ELMOD3: variants seen among roughly 807,000 people sequenced by gnomAD.
The protein encoded by ELMOD3 is ELMO domain containing 3, also known as ELMO domain-containing protein 3.
In ELMOD3, 36 loss-of-function variants were observed where a neutral mutation model predicts 47.4. That is an observed-to-expected ratio of 0.76 (90% CI 0.58 to 1.00). The LOEUF (loss-of-function observed/expected upper bound fraction) is 1.00, where lower values mean the gene tolerates loss of function less well. Ranked by LOEUF, ELMOD3 falls within the 50% of genes least tolerant of loss-of-function variation. ELMOD3 has a pLI of 0.00. For missense variants in ELMOD3, 404 were observed against 463.8 expected (o/e 0.87, Z 1.18); for synonymous variants, 149 against 183.5 (o/e 0.81, Z 1.52).
intron 10 of ELMOD3, among the ~76,000 whole-genome samples, chr2:85,374,772 G>A (rs971033837): frequency 2.6e-5 from 4 of 152,138 alleles, no homozygotes; most frequent in African/African-American, 7.2e-5. Flanking sequence ...TGATAGCACC[G>A]TTACACGCTA....
intron 4 of ELMOD3, among the ~76,000 whole-genome samples, chr2:85,359,916 C>A (rs1300361167): frequency 6.6e-6 from 1 of 151,990 alleles, no homozygotes; most frequent in Non-Finnish European, 1.5e-5. Flanking sequence ...CATATGTAGA[C>A]CCCATGGCTA....
At chr2:85,387,211 G>C in intron 11 of ELMOD3, 2 of 1,198,284 alleles carry the variant, frequency 1.7e-6, no homozygotes, top group Non-Finnish European at 1.1e-6. Context: ...GGTGTTCTCA[G>C]CTACCCATGT....
chr2:85,379,272 C>T (rs780089398), intron 11 of ELMOD3, among the ~76,000 whole-genome samples: 17 of 152,146 alleles, frequency 1.1e-4, no homozygotes, highest in Non-Finnish European at 1.9e-4. Flanking sequence ...TGCAGTGGCG[C>T]GATAGCACAC....
chr2:85,383,290 G>A (rs1685715847), intron 11 of ELMOD3, among the ~76,000 whole-genome samples: 2 of 151,012 alleles, frequency 1.3e-5, no homozygotes, highest in African/African-American at 4.9e-5. Flanking sequence ...CACCACGCCT[G>A]GCTAACTTTT....
intron 11 of ELMOD3, among the ~76,000 whole-genome samples, chr2:85,388,668 G>A (rs1292843412): frequency 6.6e-6 from 1 of 152,224 alleles, no homozygotes; most frequent in Non-Finnish European, 1.5e-5. Context: ...AAGTGGTCTA[G>A]ATATTGGAAA....
In ELMOD3 at chr2:85,377,494, C is replaced by T; in HGVS notation, c.738+20C>T. The stretch of plus-strand genomic sequence containing the variant: ...ATCCAGGTGAGACTTTGGTGGGAAG[C>T]CAGAGGAAAGGAAAGGGCCGTGGAG... On this transcript the variant is annotated intron_variant, in intron 11 of 13. Transcript: ENST00000409013. The T allele has an allele frequency of 6.3e-7, 1 of 1,598,912 alleles. No homozygotes were observed. Among genetic ancestry groups the T allele is most frequent in the Non-Finnish European group, 8.5e-7 (1 of 1,172,554 alleles).
At chr2:85,363,315 A>G (rs1311619289) in intron 6 of ELMOD3, 149 bp downstream of exon 6, 1 of 611,104 alleles carries the variant, frequency 1.6e-6, no homozygotes, top group African/African-American at 1.9e-5. Flanking sequence ...TAGAATCAAC[A>G]CTGAATTAGG....
Position 85,365,569 on chromosome 2 carries a change from G to A in ELMOD3, c.199+2403G>A, listed in dbSNP as rs79699852. On this transcript the variant is annotated intron_variant, in intron 6 of 13. Transcript: ENST00000409013. ...CCCCGTGTTCTTCTGTTGGTCAGGG[G>A]AAAACAGTATTTATGTCACACGTAG... 4.5e-3 allele frequency among the ~76,000 whole-genome samples: 692 copies of A among 152,236 alleles called. 12 individuals carry two copies. The East Asian group carries it at 0.061, about 14-fold the overall frequency.
chr2:85,391,019 T>C lies in ELMOD3; in HGVS notation c.*57T>C, dbSNP rs1573164685. ...GCTGCAGGGGCTTTCAGGGGGTCAG[T>C]GGAGCCATGTCAGGAGCCTGGCCAG... is the stretch of plus-strand genomic sequence containing the variant. On this transcript the variant is annotated 3_prime_UTR_variant, in exon 14 of 14. Transcript: ENST00000409013. 11 of 1,315,032 alleles carry C rather than the reference T, an allele frequency of 8.4e-6. No homozygotes were observed. The highest frequency in any genetic ancestry group is 1.8e-4 in the Middle Eastern group (1 of 5,444). The allele number at this position is 1,315,032 out of a possible 1,614,324, so 81.5% of individuals were successfully genotyped here. A position where few individuals can be genotyped will look rare whatever the true frequency, so the allele number is the denominator to read the frequency against.
chr2:85,370,625 A>G (rs1684728233), intron 8 of ELMOD3, among the ~76,000 whole-genome samples: 2 of 152,336 alleles, frequency 1.3e-5, no homozygotes, highest in African/African-American at 4.8e-5. Context: ...ACCCTGAGCC[A>G]TGAGAAGCCA....
At chr2:85,382,424 C>T (rs1184309042) in intron 11 of ELMOD3, among the ~76,000 whole-genome samples, 4 of 145,548 alleles carry the variant, frequency 2.7e-5, no homozygotes, top group African/African-American at 5.1e-5. Flanking sequence ...GGCAACAGAG[C>T]GAGATTCTGT....
At chr2:85,369,666 A>G (rs1026670399) in intron 7 of ELMOD3, 73 bp from the exon 8 acceptor site, 1 of 1,512,036 alleles carries the variant, frequency 6.6e-7, no homozygotes, top group Non-Finnish European at 9.1e-7. Flanking sequence ...AGTGACAAGT[A>G]GGAGGGCCTC....
At chr2:85,379,270 C>T (rs974134351) in intron 11 of ELMOD3, among the ~76,000 whole-genome samples, 7 of 152,276 alleles carry the variant, frequency 4.6e-5, no homozygotes, top group Middle Eastern at 3.4e-3. Flanking sequence ...AGTGCAGTGG[C>T]GCGATAGCAC....
intron 11 of ELMOD3, chr2:85,387,086 A>G: frequency 2.3e-6 from 3 of 1,301,156 alleles, no homozygotes; most frequent in Non-Finnish European, 3.0e-6. Flanking sequence ...TTTTTCTCAT[A>G]TTTATTTTTA....
At chr2:85,364,821 ATATATTTT>A (rs1185353337) in intron 6 of ELMOD3, among the ~76,000 whole-genome samples, 6 of 89,220 alleles carry the variant, frequency 6.7e-5, no homozygotes, top group African/African-American at 3.4e-4. Context: ...ATATATATAT[ATATATTTT>A]TTTTTTTTTT....
At chr2:85,370,163 C>T (rs977008690) in intron 8 of ELMOD3, among the ~76,000 whole-genome samples, 7 of 152,118 alleles carry the variant, frequency 4.6e-5, no homozygotes, top group African/African-American at 1.7e-4. Flanking sequence ...TGATTCATGG[C>T]CAGTGGAGGA....
intron 11 of ELMOD3, among the ~76,000 whole-genome samples, chr2:85,381,307 G>A (rs1438976084): frequency 6.6e-6 from 1 of 152,162 alleles, no homozygotes; most frequent in Non-Finnish European, 1.5e-5. Flanking sequence ...TATAAGATAA[G>A]TCATTCTTTT....
rs1686350629 is a variant in ELMOD3 at position 85,391,475 on chromosome 2, G to A, written c.*513G>A. 1 of 156,400 alleles carries A rather than the reference G, an allele frequency of 6.4e-6. No individual in the cohort carries two copies. The highest frequency in any genetic ancestry group is 1.4e-5 in the Non-Finnish European group (1 of 70,908). The allele number at this position is 156,400 out of a possible 1,614,324, so 9.7% of individuals were successfully genotyped here. A position where few individuals can be genotyped will look rare whatever the true frequency, so the allele number is the denominator to read the frequency against. On this transcript the variant is annotated 3_prime_UTR_variant, in exon 14 of 14. Coordinates refer to ENST00000409013, the MANE Select transcript of ELMOD3 (RefSeq NM_001135022.2). Reference sequence around the variant, plus strand: ...GGGCCTGAGGCCTCAGTGGGGGTAGGGCAAGGAGGTACCTCACAGGTGGGT... The same window carrying A: ...GGGCCTGAGGCCTCAGTGGGGGTAGAGCAAGGAGGTACCTCACAGGTGGGT...
chr2:85,362,131 T>G, intron 4 of ELMOD3, 55 bp from the exon 5 acceptor site: 2 of 1,086,762 alleles, frequency 1.8e-6, no homozygotes, highest in Non-Finnish European at 2.8e-6. Context: ...ATTTAAACTA[T>G]TATCTTTGGG....
Sources: gnomAD v4.1 joint callset for allele counts (sites outside exome capture counted in the v4.1 genomes callset) on GRCh38, gnomAD v4.1.1 for gene constraint, MANE v1.5 for transcripts, NCBI Gene and HGNC (gene_info 2026-07-23, HGNC 2026-07-21) for gene names.